The following F8 variants were observed in gnomAD, a reference collection of about 807,000 sequenced individuals.
F8 encodes the protein coagulation factor VIII.
In F8, 12 loss-of-function variants were observed where a neutral mutation model predicts 140.6. The ratio of observed to expected loss-of-function variants is 0.09; its 90% confidence interval spans 0.05 to 0.14. The LOEUF (loss-of-function observed/expected upper bound fraction) is 0.14. Among genes scored for constraint, F8 ranks in the 10% least tolerant of loss-of-function variants. The pLI is 1.00. For synonymous variants in F8, 585 were observed against 614.6 expected (o/e 0.95, Z 0.71); for missense variants, 1,354 against 1,720.7 (o/e 0.79, Z 3.77).
chrX:154,971,247 C>T (rs1266706804), intron 6 of F8, among the ~76,000 whole-genome samples: 1 of 111,670 alleles, frequency 9.0e-6, no homozygotes, highest in South Asian at 3.7e-4. Flanking sequence ...AATTATATCG[C>T]CAGTCTAATT....
rs1291303071 is a variant in F8, at chrX:154,836,124, G to A, written c.*1473C>T. 8.9e-6 allele frequency: 1 copy of A among 112,062 alleles called. No homozygotes were observed. The highest frequency in any genetic ancestry group is 1.9e-5 in the Non-Finnish European group (1 of 53,193). 9.2% of individuals were successfully genotyped at this position (112,062 alleles called of 1,213,427 possible). A position where few individuals can be genotyped will look rare whatever the true frequency, so the allele number is the denominator to read the frequency against. ...ACAGCTATGTTATAGTTTCCAAAGAGGTCAGATAAGGGTCAAGCAGGATTA... is the reference window on the plus strand; with the variant it reads ...ACAGCTATGTTATAGTTTCCAAAGAAGTCAGATAAGGGTCAAGCAGGATTA... On this transcript the variant is annotated 3_prime_UTR_variant, in exon 26 of 26. Transcript: ENST00000360256.
intron 13 of F8, among the ~76,000 whole-genome samples, chrX:154,938,979 A>G (rs1404554580): frequency 9.0e-6 from 1 of 111,488 alleles, no homozygotes; most frequent in African/African-American, 3.3e-5. Flanking sequence ...AAATGACAAG[A>G]GCACAAAAGG....
intron 13 of F8, among the ~76,000 whole-genome samples, chrX:154,934,231 G>T (rs1033203877): frequency 2.0e-4 from 22 of 111,942 alleles, no homozygotes; most frequent in Admixed American, 5.7e-4. Flanking sequence ...AAGAGTGGAT[G>T]CTCATGGCTG....
intron 6 of F8, among the ~76,000 whole-genome samples, chrX:154,981,591 C>A (rs922537122): frequency 9.0e-6 from 1 of 110,656 alleles, no homozygotes; most frequent in African/African-American, 3.3e-5. Flanking sequence ...TCTCCAGGAA[C>A]CTCCATGCGT....
chrX:154,963,567 A>G (rs2073407784), intron 9 of F8, among the ~76,000 whole-genome samples: 1 of 111,755 alleles, frequency 8.9e-6, no homozygotes, highest in South Asian at 3.7e-4. Flanking sequence ...GTATATACCT[A>G]GTAATGGGAT....
At chrX:154,891,650 T>G (rs1045595221) in intron 22 of F8, among the ~76,000 whole-genome samples, 1 of 112,844 alleles carries the variant, frequency 8.9e-6, no homozygotes, top group East Asian at 2.8e-4. Flanking sequence ...CTTAATACTC[T>G]TGTTCCTACT....
chrX:155,020,139 C>G (rs2073753169), intron 1 of F8, among the ~76,000 whole-genome samples: 1 of 111,587 alleles, frequency 9.0e-6, no homozygotes, highest in Non-Finnish European at 1.9e-5. Context: ...CAGAAGATAT[C>G]ATAGGCTCAC....
rs1015998876 is a variant in F8, at chrX:154,837,433, C to A, written c.*164G>T. The A allele has an allele frequency of 1.8e-6, 1 of 554,148 alleles. No individual in the cohort carries two copies. The highest frequency in any genetic ancestry group is 3.0e-5 in the South Asian group (1 of 33,390). 45.7% of individuals were successfully genotyped at this position (554,148 alleles called of 1,213,427 possible). On this transcript the variant is annotated 3_prime_UTR_variant, in exon 26 of 26. Transcript: ENST00000360256. Reference sequence around the variant, plus strand: ...GTTAAATTGGATGCACCCTCCTGGCCCCCCACCAAAGAAATGCAGGACTGA... The same window carrying A: ...GTTAAATTGGATGCACCCTCCTGGCACCCCACCAAAGAAATGCAGGACTGA...
intron 7 of F8, among the ~76,000 whole-genome samples, chrX:154,969,068 A>T (rs782196322): frequency 3.6e-5 from 4 of 111,169 alleles, no homozygotes; most frequent in Non-Finnish European, 7.5e-5. Flanking sequence ...TTCCCACCTC[A>T]ATCATCCATA....
intron 1 of F8, among the ~76,000 whole-genome samples, chrX:155,001,238 A>G (rs2073644421): frequency 9.0e-6 from 1 of 110,517 alleles, no homozygotes; most frequent in Non-Finnish European, 1.9e-5. Context: ...AAATTGGTAA[A>G]CCAGTGACCC....
intron 13 of F8, among the ~76,000 whole-genome samples, chrX:154,933,773 G>A (rs1557279031): frequency 8.9e-6 from 1 of 112,314 alleles, no homozygotes; most frequent in African/African-American, 3.2e-5. Flanking sequence ...TAAAACACAA[G>A]AAGGCACAGC....
chrX:154,931,383 T>G lies in F8; in HGVS notation c.2407A>C (p.Asn803His). The G allele has an allele frequency of 1.7e-6, 2 of 1,210,992 alleles. No homozygotes were observed. Among genetic ancestry groups the G allele is most frequent in the Non-Finnish European group, 1.1e-6 (1 of 894,961 alleles). ...AHRTPMPKIQNVSSSDLLMLL... is the reference protein window; with the variant it reads ...AHRTPMPKIQHVSSSDLLMLL... ...ATCAACAAATCACTAGAGGAGACATTTTGTATTTTAGGCATAGGTGTTCTG... is the reference window on the plus strand; with the variant it reads ...ATCAACAAATCACTAGAGGAGACATGTTGTATTTTAGGCATAGGTGTTCTG... The change falls in exon 14 of 26, where the codon AAT becomes CAT. Residue 803 changes from asparagine (N) to histidine (H), a missense_variant. By Grantham distance (68) the Asn-to-His change is moderately conservative. This residue lies in a region of F8 where 658 missense variants were observed against 666.5 expected (regional missense o/e 0.99). Transcript: ENST00000360256.
At position 154,842,680 on chromosome X, in the gene F8, CAT is replaced by C. The variant is rs782210821; in HGVS notation, c.6901-4930_6901-4929del. 3.9e-4 allele frequency among the ~76,000 whole-genome samples: 44 copies of C among 112,071 alleles called. No individual in the cohort carries two copies. In the South Asian group the frequency reaches 0.016, roughly 40 times the overall value. ...CTTTAATTGTATTGTGACCAGAAAA[CAT>C]GTTTTATATTATCTGAAATTTGAGA... is the stretch of plus-strand genomic sequence containing the variant. On this transcript the variant is annotated intron_variant, in intron 25 of 25. Coordinates refer to ENST00000360256, the MANE Select transcript of F8 (RefSeq NM_000132.4).
At chrX:154,921,693 G>A (rs1557277580) in intron 14 of F8, among the ~76,000 whole-genome samples, 1 of 111,755 alleles carries the variant, frequency 8.9e-6, no homozygotes, top group Non-Finnish European at 1.9e-5. Context: ...GGAATACTAT[G>A]CAGCCCTAAA....
intron 25 of F8, among the ~76,000 whole-genome samples, chrX:154,840,492 C>G (rs1342840107): frequency 8.9e-6 from 1 of 111,751 alleles, no homozygotes; most frequent in Non-Finnish European, 1.9e-5. Flanking sequence ...AGCTCAGATT[C>G]TTTTGACTGG....
At chrX:155,013,094 C>G (rs1412782958) in intron 1 of F8, among the ~76,000 whole-genome samples, 2 of 93,739 alleles carry the variant, frequency 2.1e-5, no homozygotes, top group African/African-American at 8.7e-5. Context: ...TGCAGTGAGC[C>G]GAGATCGCAC....
At chrX:154,879,849 C>T (rs1388166473) in intron 22 of F8, among the ~76,000 whole-genome samples, 1 of 111,378 alleles carries the variant, frequency 9.0e-6, no homozygotes. Context: ...CCGTCCTTCA[C>T]TCTCTGTCTC....
At position 154,952,005 on chromosome X, in the gene F8, C is replaced by T. The variant is rs144395789; in HGVS notation, c.1903+1887G>A. Among the ~76,000 whole-genome samples the T allele has an allele frequency of 5.0e-3, 565 of 112,147 alleles. 8 individuals carry two copies. Among genetic ancestry groups the T allele is most frequent in the African/African-American group, 0.016 (496 of 30,914 alleles). ...ATGAGACAGTTTAACTGTCCAGATACTGTGGCAAGTGCACATCCTACTTGG... is the reference window on the plus strand; with the variant it reads ...ATGAGACAGTTTAACTGTCCAGATATTGTGGCAAGTGCACATCCTACTTGG... On this transcript the variant is annotated intron_variant, in intron 12 of 25. Coordinates refer to ENST00000360256, the MANE Select transcript of F8 (RefSeq NM_000132.4).
chrX:154,978,774 T>TATC (rs1215313952), intron 6 of F8, among the ~76,000 whole-genome samples: 1 of 111,367 alleles, frequency 9.0e-6, no homozygotes, highest in East Asian at 2.8e-4. Flanking sequence ...CCTGAAGATG[T>TATC]ATCTGTGGTG....
Sources: allele counts gnomAD v4.1 joint callset (sites outside exome capture counted in the v4.1 genomes callset), GRCh38; gene constraint gnomAD v4.1.1; regional missense constraint gnomAD v4.1.1; transcripts MANE v1.5; gene names NCBI Gene and HGNC (gene_info 2026-07-23, HGNC 2026-07-21).